Variants in RGS7 observed in about 807,000 individuals in gnomAD.
The protein encoded by RGS7 is regulator of G-protein signaling 7.
In RGS7, 27 loss-of-function variants were observed where a neutral mutation model predicts 81.1. The ratio of observed to expected loss-of-function variants is 0.33; its 90% confidence interval spans 0.25 to 0.46. RGS7 has a LOEUF of 0.46. RGS7 is among the 20% of genes least tolerant of loss of function. The pLI is 1.00. For missense variants in RGS7, 396 were observed against 607.4 expected (o/e 0.65, Z 3.66); for synonymous variants, 208 against 207.7 (o/e 1.00, Z -0.01).
intron 2 of RGS7, among the ~76,000 whole-genome samples, chr1:241,334,454 C>G (rs1418778085): frequency 2.6e-5 from 4 of 152,110 alleles, no homozygotes; most frequent in Non-Finnish European, 4.4e-5. Context: ...CTCAGTGATA[C>G]TCCCCCCAGC....
At chr1:240,908,934 G>A (rs1671285575) in intron 6 of RGS7, among the ~76,000 whole-genome samples, 1 of 152,146 alleles carries the variant, frequency 6.6e-6, no homozygotes, top group African/African-American at 2.4e-5. Context: ...ATGCAAAAAG[G>A]TTATGCTAAC....
intron 2 of RGS7, among the ~76,000 whole-genome samples, chr1:241,342,631 GTT>G (rs2082631200): frequency 6.6e-6 from 1 of 152,318 alleles, no homozygotes; most frequent in Non-Finnish European, 1.5e-5. Context: ...AAACAACAGA[GTT>G]TTGGTTAGAC....
chr1:241,146,732 A>G (rs1403746735), intron 2 of RGS7, among the ~76,000 whole-genome samples: 2 of 152,202 alleles, frequency 1.3e-5, no homozygotes, highest in Non-Finnish European at 2.9e-5. Context: ...CTATAACAAA[A>G]TACCATAGAC....
At chr1:241,323,374 G>A (rs954860077) in intron 2 of RGS7, among the ~76,000 whole-genome samples, 8 of 152,222 alleles carry the variant, frequency 5.3e-5, no homozygotes, top group African/African-American at 1.7e-4. Context: ...GCCTGTCAGC[G>A]CCTGTGGAGG....
chr1:241,146,342 C>T (rs1266100782), intron 2 of RGS7, among the ~76,000 whole-genome samples: 3 of 152,184 alleles, frequency 2.0e-5, no homozygotes, highest in African/African-American at 7.2e-5. Flanking sequence ...GAGTATGTGC[C>T]CATATACACA....
At chr1:241,071,874 C>CAAAAAAAA (rs58217460) in intron 3 of RGS7, among the ~76,000 whole-genome samples, 2,203 of 56,778 alleles carry the variant, frequency 0.039, 574 homozygotes, top group South Asian at 0.057. Flanking sequence ...GAGACCCTGT[C>CAAAAAAAA]AAAAAAAAAA....
In RGS7 at chr1:241,197,300, G is replaced by T. The variant is rs550709713; in HGVS notation, c.79-98538C>A. 5.5e-3 allele frequency among the ~76,000 whole-genome samples: 28 copies of T among 5,090 alleles called. 11 individuals are homozygous for T. The highest frequency in any genetic ancestry group is 0.14 in the Middle Eastern group (2 of 14). The allele number at this position is 5,090 out of a possible 152,430, so 3.3% of individuals were successfully genotyped here. A position where few individuals can be genotyped will look rare whatever the true frequency, so the allele number is the denominator to read the frequency against. On this transcript the variant is annotated intron_variant, in intron 2 of 18. Coordinates refer to ENST00000440928, the MANE Select transcript of RGS7 (RefSeq NM_001364886.1). ...GACGGAGTCTCGCTCTGTCGCCCAG[G>T]CTGGAGTGCAGTGGCGGGATCTCGG... is the stretch of plus-strand genomic sequence containing the variant.
At chr1:241,309,193 T>G (rs866372616) in intron 2 of RGS7, among the ~76,000 whole-genome samples, 3 of 151,712 alleles carry the variant, frequency 2.0e-5, no homozygotes, top group African/African-American at 7.3e-5. Flanking sequence ...TCGAGACCAA[T>G]CTGGTCAATG....
intron 3 of RGS7, among the ~76,000 whole-genome samples, chr1:241,072,684 G>A (rs2062546565): frequency 6.6e-6 from 1 of 152,138 alleles, no homozygotes; most frequent in Non-Finnish European, 1.5e-5. Context: ...TACTGAAGCT[G>A]AATCAATGCT....
intron 2 of RGS7, among the ~76,000 whole-genome samples, chr1:241,305,335 T>C (rs560147870): frequency 1.3e-5 from 2 of 152,316 alleles, no homozygotes; most frequent in East Asian, 1.9e-4. Context: ...TGGAGTTTAA[T>C]GTCGTCGGTC....
At chr1:241,327,129 A>AGAAAGAAAGAAAGAAAG (rs2081626028) in intron 2 of RGS7, among the ~76,000 whole-genome samples, 1 of 104,598 alleles carries the variant, frequency 9.6e-6, no homozygotes, top group South Asian at 3.4e-4. Flanking sequence ...AAAGAAAGAA[A>AGAAAGAAAGAAAGAAAG]GAAAGAAAGA....
chr1:240,802,100 A>G (rs938081418), intron 16 of RGS7, among the ~76,000 whole-genome samples: 2 of 152,154 alleles, frequency 1.3e-5, no homozygotes, highest in African/African-American at 4.8e-5. Context: ...CAAAGTATCC[A>G]TTTCTAGTTG....
intron 4 of RGS7, among the ~76,000 whole-genome samples, chr1:240,966,482 C>CAAAGGAA (rs1682316673): frequency 6.6e-6 from 1 of 152,086 alleles, no homozygotes; most frequent in African/African-American, 2.4e-5. Flanking sequence ...CTTGTTATGG[C>CAAAGGAA]CTTGCTGTTC....
intron 6 of RGS7, among the ~76,000 whole-genome samples, chr1:240,908,394 T>C (rs778512570): frequency 2.0e-5 from 3 of 152,128 alleles, no homozygotes; most frequent in Non-Finnish European, 2.9e-5. Context: ...ATGAAACAAA[T>C]GCACTTCCTG....
chr1:240,948,882 G>T (rs909576488), intron 4 of RGS7, among the ~76,000 whole-genome samples: 1 of 150,834 alleles, frequency 6.6e-6, no homozygotes, highest in Admixed American at 6.6e-5. Flanking sequence ...CACCAAAAGG[G>T]TATAAATGTG....
In RGS7 at chr1:241,051,545, T is replaced by C. The variant is rs74565886; in HGVS notation, c.175+47121A>G. Reference sequence around the variant, plus strand: ...TGGTCAAAGAATCTCTCTCTCTTTCTCTCTCTCCCCGCACCCCCCAACCCA... The same window carrying C: ...TGGTCAAAGAATCTCTCTCTCTTTCCCTCTCTCCCCGCACCCCCCAACCCA... On this transcript the variant is annotated intron_variant, in intron 3 of 18. Transcript: ENST00000440928. Among the ~76,000 whole-genome samples, 1,272 of 152,142 alleles carry C rather than the reference T, an allele frequency of 8.4e-3. 26 individuals are homozygous for C. The highest frequency in any genetic ancestry group is 0.03 in the African/African-American group (1,237 of 41,482).
intron 9 of RGS7, among the ~76,000 whole-genome samples, chr1:240,849,618 C>G (rs974639135): frequency 6.6e-6 from 1 of 152,114 alleles, no homozygotes; most frequent in Non-Finnish European, 1.5e-5. Flanking sequence ...TTAGCACCCT[C>G]CCCTTGGTGA....
intron 2 of RGS7, among the ~76,000 whole-genome samples, chr1:241,213,371 A>G (rs1218652167): frequency 6.6e-6 from 1 of 152,198 alleles, no homozygotes; most frequent in Non-Finnish European, 1.5e-5. Context: ...GAACTCATGT[A>G]AAAGCGAACC....
At chr1:241,351,621 A>G (rs190679076) in intron 2 of RGS7, among the ~76,000 whole-genome samples, 2 of 152,302 alleles carry the variant, frequency 1.3e-5, no homozygotes, top group Admixed American at 1.3e-4. Flanking sequence ...TTATGTCCTC[A>G]ACTTTAAGTC....
Sources: gnomAD v4.1 joint callset for allele counts (sites outside exome capture counted in the v4.1 genomes callset) on GRCh38, gnomAD v4.1.1 for gene constraint, MANE v1.5 for transcripts, NCBI Gene and HGNC (gene_info 2026-07-23, HGNC 2026-07-21) for gene names.